The following HSD11B1L variants were observed in gnomAD, a reference collection of about 807,000 sequenced individuals.
HSD11B1L encodes the protein hydroxysteroid 11-beta dehydrogenase 1 like, also known as hydroxysteroid 11-beta-dehydrogenase 1-like protein.
Under a neutral mutation model 27.0 loss-of-function variants are expected in HSD11B1L, and 22 were observed. The ratio of observed to expected loss-of-function variants is 0.81; its 90% CI spans 0.58 to 1.16. HSD11B1L has a LOEUF of 1.16. HSD11B1L is among the 50% of genes most tolerant of loss of function. The probability of loss-of-function intolerance (pLI) is 0.00; values close to 1 mark genes in which losing one functional copy is unlikely to be tolerated. For missense variants in HSD11B1L, 372 were observed against 401.8 expected, an observed-to-expected ratio of 0.93 and a Z score of 0.63; for synonymous variants, 187 against 189.2, an observed-to-expected ratio of 0.99 and a Z score of 0.09.
In HSD11B1L at chr19:5,685,454, G is replaced by A. The variant is rs2054664341; in HGVS notation, c.204+335G>A. On this transcript the variant is annotated intron_variant, in intron 3 of 7. Coordinates refer to ENST00000339423, the MANE Select transcript of HSD11B1L (RefSeq NM_198706.3). This position sits in a 1 kb window ranked among gnomAD's most constrained non-coding sequence, Gnocchi z 4.3. Reference sequence around the variant, plus strand: ...AGGCCAGGCATGGTGGCTCATGCCTGTAATCCTAGCACTTTGGGAGGCCAA... The same window carrying A: ...AGGCCAGGCATGGTGGCTCATGCCTATAATCCTAGCACTTTGGGAGGCCAA... 2 of 398,950 alleles carry A rather than the reference G, an allele frequency of 5.0e-6. No homozygotes were observed. Among genetic ancestry groups the A allele is most frequent in the South Asian group, 4.0e-5 (2 of 50,458 alleles). 24.7% of individuals were successfully genotyped at this position (398,950 alleles called of 1,614,324 possible).
In HSD11B1L at chr19:5,687,967, G is replaced by T. The variant is rs1235048455; in HGVS notation, c.*22G>T. 3 of 1,554,976 alleles carry T rather than the reference G, an allele frequency of 1.9e-6. No individual in the cohort carries two copies. Among genetic ancestry groups the T allele is most frequent in the Non-Finnish European group, 1.7e-6 (2 of 1,148,758 alleles). Reference sequence around the variant, plus strand: ...CTGAGCACCGGGGGGTGCCCCTCCAGTCCCAGACGGCAATGTTCCTCCCTC... The same window carrying T: ...CTGAGCACCGGGGGGTGCCCCTCCATTCCCAGACGGCAATGTTCCTCCCTC... On this transcript the variant is annotated 3_prime_UTR_variant, in exon 8 of 8. Coordinates refer to ENST00000339423, the MANE Select transcript of HSD11B1L (RefSeq NM_198706.3). The surrounding 1 kb of genome is among the most constrained non-coding windows in gnomAD (Gnocchi z 6.6).
intron 1 of HSD11B1L, chr19:5,684,250 A>G (rs2054629756): frequency 3.0e-6 from 1 of 338,458 alleles, no homozygotes; most frequent in South Asian, 1.4e-4. Context: ...TCCTGATCTC[A>G]AGTGATTTGC....
rs2054761716 is a variant in HSD11B1L at position 5,688,170 on chromosome 19, G to A, written c.*225G>A. The A allele has an allele frequency of 6.5e-7, 1 of 1,550,096 alleles. No individual in the cohort carries two copies. Among genetic ancestry groups the A allele is most frequent in the African/African-American group, 1.4e-5 (1 of 72,940 alleles). The stretch of plus-strand genomic sequence containing the variant: ...AGGCGCCTTTGTCGGGGACTTGCAA[G>A]GCCTCACCTGTTTGGCCATGATTGA... On this transcript the variant is annotated 3_prime_UTR_variant, in exon 8 of 8. Transcript: ENST00000339423.
At chr19:5,681,547 G>A (rs912933426) in intron 1 of HSD11B1L, among the ~76,000 whole-genome samples, 4 of 150,326 alleles carry the variant, frequency 2.7e-5, no homozygotes, top group Non-Finnish European at 5.9e-5. Flanking sequence ...TCATCCATCT[G>A]CTCCCCCCAT....
At position 5,685,275 on chromosome 19, in the gene HSD11B1L, G is replaced by A. The variant is rs1052131073; in HGVS notation, c.204+156G>A. ...TCTCAGTTTCCTCATTTGCAAAACG[G>A]GGACAATAAAACCACTTTCTGGCCA... On this transcript the variant is annotated intron_variant, in intron 3 of 7. Coordinates refer to ENST00000339423, the MANE Select transcript of HSD11B1L (RefSeq NM_198706.3). This position sits in a 1 kb window ranked among gnomAD's most constrained non-coding sequence, Gnocchi z 4.3. 1 of 1,066,634 alleles carries A rather than the reference G, an allele frequency of 9.4e-7. No homozygotes were observed. 66.1% of individuals were successfully genotyped at this position (1,066,634 alleles called of 1,614,324 possible). A position where few individuals can be genotyped will look rare whatever the true frequency, so the allele number is the denominator to read the frequency against.
intron 1 of HSD11B1L, among the ~76,000 whole-genome samples, chr19:5,682,945 C>A (rs944084708): frequency 2.0e-5 from 3 of 151,722 alleles, no homozygotes; most frequent in East Asian, 1.9e-4. Flanking sequence ...CAGCAGGAGA[C>A]CCCATCTCTA....
Position 5,686,933 on chromosome 19 carries a change from G to A in HSD11B1L, c.350G>A (p.Gly117Asp), listed in dbSNP as rs768756023. The change falls in exon 5 of 8, where the codon GGC (glycine) becomes GAC (aspartate). Residue 117 changes from glycine to aspartate, a missense_variant. Gly to Asp is a moderately conservative substitution (Grantham distance 94). Transcript: ENST00000339423. ...GLDYLVLNHI[G>D]GAPAGTRARS... ...GACTACCTCGTGCTGAACCACATCG[G>A]CGGCGCCCCGGCCGGCACGCGAGCC... is the stretch of plus-strand genomic sequence containing the variant. The A allele has an allele frequency of 1.3e-6, 2 of 1,553,304 alleles. No homozygotes were observed. The highest frequency in any genetic ancestry group is 1.2e-5 in the South Asian group (1 of 84,272).
chr19:5,683,208 C>CAAAAAAA (rs1168433209), intron 1 of HSD11B1L, among the ~76,000 whole-genome samples: 2 of 51,098 alleles, frequency 3.9e-5, no homozygotes, highest in East Asian at 6.3e-4. Context: ...AACTCAGTCT[C>CAAAAAAA]AAAAAAAAAA....
rs768707595 is a variant in HSD11B1L at position 5,687,850 on chromosome 19, C to T, written c.766C>T (p.Arg256Cys). 485 of 1,574,342 alleles carry T rather than the reference C, an allele frequency of 3.1e-4. 2 individuals carry two copies. Among genetic ancestry groups the T allele is most frequent in the Non-Finnish European group, 2.7e-4 (319 of 1,161,676 alleles). ...TRAAGVFYPW[R>C]FRLLCLLRRW... Reference sequence around the variant, plus strand: ...CGCGGCCGGCGTCTTCTACCCGTGGCGTTTCCGCCTGCTGTGCTTGCTCCG... The same window carrying T: ...CGCGGCCGGCGTCTTCTACCCGTGGTGTTTCCGCCTGCTGTGCTTGCTCCG... The change falls in exon 8 of 8, where the codon CGT (arginine) becomes TGT (cysteine). Residue 256 changes from arginine to cysteine, a missense_variant. Arg to Cys is a radical substitution (Grantham distance 180). Transcript: ENST00000339423. This position sits in a 1 kb window ranked among gnomAD's most constrained non-coding sequence, Gnocchi z 6.6.
chr19:5,681,893 G>C (rs890341997), intron 1 of HSD11B1L, among the ~76,000 whole-genome samples: 1 of 152,230 alleles, frequency 6.6e-6, no homozygotes. Flanking sequence ...CCACCCGTCA[G>C]TCCATCTGGT....
intron 1 of HSD11B1L, chr19:5,683,952 G>A (rs2054620868): frequency 2.5e-6 from 1 of 398,900 alleles, no homozygotes; most frequent in Non-Finnish European, 4.4e-6. Flanking sequence ...GCCCTCACTT[G>A]AAGGAGGTCA....
In HSD11B1L at chr19:5,686,944, G is replaced by A. The variant is rs1451557679; in HGVS notation, c.361G>A (p.Ala121Thr). The change falls in exon 5 of 8, where the codon GCC becomes ACC. Residue 121 changes from alanine to threonine, a missense_variant. Ala to Thr is a moderately conservative substitution (Grantham distance 58). Coordinates refer to ENST00000339423, the MANE Select transcript of HSD11B1L (RefSeq NM_198706.3). ...LVLNHIGGAP[A>T]GTRARSPQAT... is the part of the protein sequence containing the mutation. ...GCTGAACCACATCGGCGGCGCCCCG[G>A]CCGGCACGCGAGCCCGCAGCCCCCA... 1.3e-6 allele frequency: 2 copies of A among 1,552,940 alleles called. No individual in the cohort carries two copies. Among genetic ancestry groups the A allele is most frequent in the Non-Finnish European group, 1.7e-6 (2 of 1,149,480 alleles).
chr19:5,687,267 G>T lies in HSD11B1L; in HGVS notation c.409-15G>T, dbSNP rs368505697. 6.2e-6 allele frequency: 10 copies of T among 1,611,254 alleles called. No homozygotes were observed. Among genetic ancestry groups the T allele is most frequent in the South Asian group, 1.1e-5 (1 of 90,982 alleles). Reference sequence around the variant, plus strand: ...GGCTCCGCCTCTGCCGGTGACTCGCGAGTGCCGCCTGCAGGTAAACTTTGT... The same window carrying T: ...GGCTCCGCCTCTGCCGGTGACTCGCTAGTGCCGCCTGCAGGTAAACTTTGT... On this transcript the variant is annotated splice_polypyrimidine_tract_variant and intron_variant, in intron 5 of 7. Transcript: ENST00000339423. The surrounding 1 kb of genome is among the most constrained non-coding windows in gnomAD (Gnocchi z 6.6).
rs749149020 is a variant in HSD11B1L at position 5,687,886 on chromosome 19, C to T, written c.802C>T (p.Pro268Ser). Residue 268 changes from proline to serine, a missense_variant, in exon 8 of 8, where the codon CCG (proline) becomes TCG (serine). Pro to Ser is a moderately conservative substitution (Grantham distance 74, BLOSUM62 -1). Coordinates refer to ENST00000339423, the MANE Select transcript of HSD11B1L (RefSeq NM_198706.3). This position sits in a 1 kb window ranked among gnomAD's most constrained non-coding sequence, Gnocchi z 6.6. ...RLLCLLRRWL[P>S]RPRAWFIRQE... ...GCTGTGCTTGCTCCGGCGCTGGCTA[C>T]CGCGCCCGCGGGCCTGGTTTATCCG... is the stretch of plus-strand genomic sequence containing the variant. The T allele has an allele frequency of 3.6e-5, 57 of 1,579,994 alleles. No homozygotes were observed. The highest frequency in any genetic ancestry group is 4.6e-5 in the Non-Finnish European group (54 of 1,163,764).
chr19:5,681,696 A>G (rs2054554627), intron 1 of HSD11B1L, among the ~76,000 whole-genome samples: 1 of 150,974 alleles, frequency 6.6e-6, no homozygotes, highest in Non-Finnish European at 1.5e-5. Flanking sequence ...CCATCCATTT[A>G]TGTGTTCCCA....
rs770811587 is a variant in HSD11B1L, at chr19:5,685,006, C to T, written c.91C>T (p.Arg31Ter). ...ATGGCCAGCCAGCCTCCAGGGAGCG[C>T]GAGTGCTGCTGACAGGGGCCAACGC... The part of the protein sequence containing the change: ...NFDPASLQGA[R>*]VLLTGANAGV... Residue 31 changes from arginine (R) to a stop codon, truncating the protein, a stop_gained, in exon 3 of 8, where the codon CGA becomes TGA. Coordinates refer to ENST00000339423, the MANE Select transcript of HSD11B1L (RefSeq NM_198706.3). LOFTEE classifies it high-confidence loss of function. The surrounding 1 kb of genome is among the most constrained non-coding windows in gnomAD (Gnocchi z 4.3). 9 of 1,599,042 alleles carry T rather than the reference C, an allele frequency of 5.6e-6. No individual in the cohort carries two copies. The highest frequency in any genetic ancestry group is 4.5e-5 in the East Asian group (2 of 44,044).
intron 1 of HSD11B1L, among the ~76,000 whole-genome samples, chr19:5,681,838 T>C (rs1599413950): frequency 6.6e-6 from 1 of 152,154 alleles, no homozygotes; most frequent in Admixed American, 6.5e-5. Flanking sequence ...TATGCATCCA[T>C]ACATGCATCT....
At chr19:5,686,355 C>A in intron 3 of HSD11B1L, 61 bp from the exon 4 acceptor site, 1 of 1,147,178 alleles carries the variant, frequency 8.7e-7, no homozygotes, top group South Asian at 1.5e-5. Context: ...CCAGCAGGTG[C>A]GGTGGAGGGG....
Position 5,687,587 on chromosome 19 carries a change from T to A in HSD11B1L, c.587T>A (p.Leu196Gln), listed in dbSNP as rs1361763527. The change falls in exon 7 of 8, where the codon CTG (leucine) becomes CAG (glutamine). Residue 196 changes from leucine to glutamine, a missense_variant. Transcript: ENST00000339423. This position sits in a 1 kb window ranked among gnomAD's most constrained non-coding sequence, Gnocchi z 6.6. ...DGFFGSLRRE[L>Q]DVQDVNVAIT... is the part of the protein sequence containing the mutation. Reference sequence around the variant, plus strand: ...TTCTTCGGCTCCCTGCGGCGGGAGCTGGACGTGCAGGACGTGAACGTGGCC... The same window carrying A: ...TTCTTCGGCTCCCTGCGGCGGGAGCAGGACGTGCAGGACGTGAACGTGGCC... 1 of 1,598,598 alleles carries A rather than the reference T, an allele frequency of 6.3e-7. No individual in the cohort carries two copies. Among genetic ancestry groups the A allele is most frequent in the East Asian group, 2.2e-5 (1 of 44,778 alleles).
Sources: allele counts gnomAD v4.1 joint callset (sites outside exome capture counted in the v4.1 genomes callset), GRCh38; gene constraint gnomAD v4.1.1; non-coding constraint Gnocchi (gnomAD v3.1); transcripts MANE v1.5; gene names NCBI Gene and HGNC (gene_info 2026-07-23, HGNC 2026-07-21).